Variants in EXOC2 observed in about 807,000 individuals in gnomAD.
EXOC2 encodes SEC5-like 1.
Under a neutral mutation model 131.8 loss-of-function variants are expected in EXOC2, and 70 were observed. That is an observed-to-expected ratio of 0.53 (90% CI 0.44 to 0.65). The LOEUF (loss-of-function observed/expected upper bound fraction) is 0.65. Ranked by LOEUF, EXOC2 falls within the 30% of genes least tolerant of loss-of-function variation. EXOC2 has a pLI of 0.00. For missense variants in EXOC2, 923 were observed against 1,108.6 expected (o/e 0.83, Z 2.38); for synonymous variants, 411 against 398.4 (o/e 1.03, Z -0.38).
rs753835654 is a variant in EXOC2, at chr6:538,656, A to C, written c.2239-6046T>G. ...AAAAGATAACAATTTAATTGTGTACAGACAGTCCCAACTTATGAGAGTTCA... is the reference window on the plus strand; with the variant it reads ...AAAAGATAACAATTTAATTGTGTACCGACAGTCCCAACTTATGAGAGTTCA... On this transcript the variant is annotated intron_variant, in intron 22 of 27. Transcript: ENST00000230449. Among the ~76,000 whole-genome samples, 17 of 152,352 alleles carry C rather than the reference A, an allele frequency of 1.1e-4. 1 individual carries two copies. In the South Asian group the frequency reaches 3.5e-3, roughly 32 times the overall value.
intron 7 of EXOC2, among the ~76,000 whole-genome samples, chr6:599,444 G>C (rs74687163): frequency 0.089 from 13,585 of 152,108 alleles, 1,038 homozygotes; most frequent in African/African-American, 0.21. Context: ...AATATAAAAA[G>C]CACCATATTT....
chr6:665,183 T>C (rs1763585820), intron 1 of EXOC2, among the ~76,000 whole-genome samples: 1 of 151,890 alleles, frequency 6.6e-6, no homozygotes, highest in Non-Finnish European at 1.5e-5. Flanking sequence ...ATGAAAAAAA[T>C]GCTCAGCATC....
intron 1 of EXOC2, among the ~76,000 whole-genome samples, chr6:671,441 G>A (rs1763866224): frequency 6.6e-6 from 1 of 152,110 alleles, no homozygotes; most frequent in African/African-American, 2.4e-5. Context: ...CATGAATGTG[G>A]GGTGTAGGTG....
intron 7 of EXOC2, among the ~76,000 whole-genome samples, chr6:604,588 T>G (rs1760292506): frequency 6.6e-6 from 1 of 152,164 alleles, no homozygotes. Context: ...TCCACACTAC[T>G]GCACAGCCAG....
At chr6:554,103 G>A (rs545847266) in intron 20 of EXOC2, among the ~76,000 whole-genome samples, 183 bp from the exon 21 acceptor site, 18 of 151,486 alleles carry the variant, frequency 1.2e-4, no homozygotes, top group Admixed American at 2.6e-4. Context: ...TGCAAATGGT[G>A]CGTTCTTGGC....
chr6:575,194 G>A (rs969813419), intron 12 of EXOC2, among the ~76,000 whole-genome samples: 6 of 152,214 alleles, frequency 3.9e-5, no homozygotes, highest in Non-Finnish European at 7.4e-5. Context: ...CCCATTGCCC[G>A]TGTGCCCCGA....
At chr6:609,714 T>G (rs1274120251) in intron 7 of EXOC2, among the ~76,000 whole-genome samples, 1 of 152,140 alleles carries the variant, frequency 6.6e-6, no homozygotes, top group Non-Finnish European at 1.5e-5. Context: ...GTGGCTGAGG[T>G]TATTTGCATT....
chr6:613,732 A>AG (rs1395262837), intron 6 of EXOC2, among the ~76,000 whole-genome samples: 1 of 152,204 alleles, frequency 6.6e-6, no homozygotes, highest in African/African-American at 2.4e-5. Context: ...CTCAGAGCAA[A>AG]GGCTCTCAGA....
At chr6:679,015 TA>T (rs1192079687) in intron 1 of EXOC2, 4 of 151,944 alleles carry the variant, frequency 2.6e-5, no homozygotes, top group Non-Finnish European at 5.9e-5. Context: ...ATATGTATAT[TA>T]AAAAAACTAG....
chr6:678,757 G>A (rs1033642423), intron 1 of EXOC2, among the ~76,000 whole-genome samples: 2 of 152,110 alleles, frequency 1.3e-5, no homozygotes, highest in Admixed American at 6.5e-5. Context: ...TACATAACAC[G>A]GTGGGAAAAT....
At chr6:625,213 T>C (rs941824304) in intron 4 of EXOC2, among the ~76,000 whole-genome samples, 43 of 152,214 alleles carry the variant, frequency 2.8e-4, no homozygotes, top group Non-Finnish European at 1.0e-4. Context: ...AGCACTTGCT[T>C]TCCAGTATGA....
intron 6 of EXOC2, among the ~76,000 whole-genome samples, chr6:617,305 C>T (rs778801875): frequency 3.4e-4 from 51 of 152,226 alleles, no homozygotes; most frequent in Non-Finnish European, 5.3e-4. Flanking sequence ...CATACGTGGG[C>T]GCCTGTGCGA....
intron 11 of EXOC2, among the ~76,000 whole-genome samples, chr6:582,331 G>A (rs374993523): frequency 2.0e-5 from 3 of 152,076 alleles, no homozygotes; most frequent in South Asian, 2.1e-4. Flanking sequence ...GGTGAGTAAG[G>A]TTACTGTATT....
intron 1 of EXOC2, among the ~76,000 whole-genome samples, chr6:638,660 C>T (rs1223661447): frequency 2.0e-5 from 3 of 152,170 alleles, no homozygotes; most frequent in African/African-American, 4.8e-5. Flanking sequence ...TTGCCGGGTG[C>T]GGTGGCTCAT....
At chr6:562,465 T>C (rs541915801) in intron 17 of EXOC2, among the ~76,000 whole-genome samples, 2 of 152,352 alleles carry the variant, frequency 1.3e-5, no homozygotes, top group East Asian at 3.9e-4. Flanking sequence ...ATCTCTTCTA[T>C]CCTGCTTTCC....
intron 11 of EXOC2, among the ~76,000 whole-genome samples, chr6:587,283 C>T (rs371869249): frequency 6.2e-4 from 93 of 149,162 alleles, no homozygotes; most frequent in East Asian, 4.5e-3. Flanking sequence ...CTTGCTCTGT[C>T]GCCCAGGCTG....
chr6:652,530 A>G (rs1017183165), intron 1 of EXOC2, among the ~76,000 whole-genome samples: 6 of 152,240 alleles, frequency 3.9e-5, no homozygotes, highest in Admixed American at 3.9e-4. Flanking sequence ...ATCTTACTGC[A>G]TAAGCCACCA....
At chr6:564,475 G>A in intron 15 of EXOC2, 70 bp downstream of exon 15, 1 of 1,576,882 alleles carries the variant, frequency 6.3e-7, no homozygotes, top group Non-Finnish European at 8.7e-7. Context: ...TTCACTGAAT[G>A]TATTAATTCT....
intron 13 of EXOC2, among the ~76,000 whole-genome samples, chr6:568,235 G>A (rs2018341): frequency 6.6e-6 from 1 of 152,122 alleles, no homozygotes; most frequent in Non-Finnish European, 1.5e-5. Context: ...GAACCTCTCC[G>A]GGATGTGGAT....
Sources: allele counts gnomAD v4.1 joint callset (sites outside exome capture counted in the v4.1 genomes callset), GRCh38; gene constraint gnomAD v4.1.1; transcripts MANE v1.5; gene names NCBI Gene and HGNC (gene_info 2026-07-23, HGNC 2026-07-21).